ADAMTS6: variants seen among roughly 807,000 people sequenced by gnomAD.
The protein encoded by ADAMTS6 is A disintegrin and metalloproteinase with thrombospondin motifs 6.
In ADAMTS6, 23 loss-of-function variants were observed where a neutral mutation model predicts 144.3. That is an observed-to-expected ratio of 0.16 (90% CI 0.11 to 0.23). The LOEUF is 0.23. ADAMTS6 is among the 10% of genes least tolerant of loss of function. The probability of loss-of-function intolerance (pLI) is 1.00; values close to 1 mark genes in which losing one functional copy is unlikely to be tolerated. For missense variants in ADAMTS6, 999 were observed against 1,379.6 expected, an observed-to-expected ratio of 0.72 and a Z score of 4.37; for synonymous variants, 444 against 457.5, an observed-to-expected ratio of 0.97 and a Z score of 0.38.
At chr5:65,264,586 A>G (rs1217277677) in intron 12 of ADAMTS6, among the ~76,000 whole-genome samples, 3 of 152,054 alleles carry the variant, frequency 2.0e-5, no homozygotes, top group African/African-American at 7.2e-5. Context: ...CTTACCACTT[A>G]CCACTACTTT....
intron 23 of ADAMTS6, among the ~76,000 whole-genome samples, chr5:65,171,618 G>A (rs1434053915): frequency 6.6e-6 from 1 of 152,074 alleles, no homozygotes; most frequent in South Asian, 2.1e-4. Context: ...TAAATAACCT[G>A]ATGGCTTATT....
intron 22 of ADAMTS6, among the ~76,000 whole-genome samples, chr5:65,186,653 T>TA (rs1305927656): frequency 1.3e-5 from 2 of 152,234 alleles, no homozygotes. Flanking sequence ...AATTAGGAGT[T>TA]AATGTATCCC....
intron 7 of ADAMTS6, among the ~76,000 whole-genome samples, chr5:65,420,167 C>G (rs1755900614): frequency 1.3e-5 from 2 of 152,120 alleles, no homozygotes; most frequent in Non-Finnish European, 2.9e-5. Context: ...ACCATCAGAT[C>G]TTGTGAGAAC....
chr5:65,479,635 CCCTT>C (rs1761070561), intron 1 of ADAMTS6, among the ~76,000 whole-genome samples: 1 of 152,210 alleles, frequency 6.6e-6, no homozygotes, highest in East Asian at 1.9e-4. Context: ...TATGGTAACT[CCCTT>C]CATTCACTCA....
chr5:65,357,515 A>G (rs1006908938), intron 7 of ADAMTS6, among the ~76,000 whole-genome samples: 17 of 151,728 alleles, frequency 1.1e-4, no homozygotes, highest in African/African-American at 4.1e-4. Flanking sequence ...AGCAAAATAC[A>G]TGAAATAGAG....
chr5:65,391,419 TACACACACACACAC>T (rs34581260), intron 7 of ADAMTS6, among the ~76,000 whole-genome samples: 2 of 148,600 alleles, frequency 1.3e-5, no homozygotes, highest in Non-Finnish European at 3.0e-5. Flanking sequence ...TGTGTCTCTC[TACACACACACACAC>T]ACACACACAC....
chr5:65,343,866 A>G (rs1748078236), intron 7 of ADAMTS6, among the ~76,000 whole-genome samples: 1 of 152,022 alleles, frequency 6.6e-6, no homozygotes, highest in South Asian at 2.1e-4. Context: ...AAAAGTACAA[A>G]CAATCCATTT....
chr5:65,325,570 A>T (rs928372569), intron 9 of ADAMTS6, among the ~76,000 whole-genome samples: 11 of 150,604 alleles, frequency 7.3e-5, no homozygotes, highest in African/African-American at 2.7e-4. Context: ...ATCATGGTTC[A>T]CTACAGCCTT....
intron 3 of ADAMTS6, among the ~76,000 whole-genome samples, chr5:65,464,074 T>G (rs1391004110): frequency 6.6e-6 from 1 of 152,230 alleles, no homozygotes; most frequent in Non-Finnish European, 1.5e-5. Flanking sequence ...AAATAAGAGA[T>G]TCTAGATCAC....
intron 10 of ADAMTS6, among the ~76,000 whole-genome samples, chr5:65,295,001 G>A (rs1021021533): frequency 7.2e-5 from 11 of 152,056 alleles, no homozygotes; most frequent in Non-Finnish European, 1.5e-4. Context: ...GCTCAACATT[G>A]TGAATATGAG....
rs542197152 is a variant in ADAMTS6 at position 65,307,819 on chromosome 5, A to C, written c.1224-7688T>G. Among the ~76,000 whole-genome samples, 3 of 152,318 alleles carry C rather than the reference A, an allele frequency of 2.0e-5. No homozygotes were observed. In the East Asian group the frequency reaches 5.8e-4, roughly 29 times the overall value. On this transcript the variant is annotated intron_variant, in intron 9 of 24. Coordinates refer to ENST00000381055, the MANE Select transcript of ADAMTS6 (RefSeq NM_197941.4). Reference sequence around the variant, plus strand: ...CACTCTTTTATATCCCAGTCTGAGAAACTAAACCACTTGTCTAGTTCCCTT... The same window carrying C: ...CACTCTTTTATATCCCAGTCTGAGACACTAAACCACTTGTCTAGTTCCCTT...
At chr5:65,306,480 G>A (rs779346794) in intron 9 of ADAMTS6, among the ~76,000 whole-genome samples, 4 of 152,060 alleles carry the variant, frequency 2.6e-5, no homozygotes, top group Non-Finnish European at 5.9e-5. Flanking sequence ...TTTTTTTAAG[G>A]CAAATGAGGT....
At chr5:65,320,154 T>C (rs920534925) in intron 9 of ADAMTS6, among the ~76,000 whole-genome samples, 4 of 152,168 alleles carry the variant, frequency 2.6e-5, no homozygotes, top group Non-Finnish European at 5.9e-5. Context: ...CCAAAAGATG[T>C]TTTTTAAAAA....
intron 7 of ADAMTS6, among the ~76,000 whole-genome samples, chr5:65,431,102 T>G (rs929558642): frequency 2.0e-5 from 3 of 152,192 alleles, no homozygotes; most frequent in Non-Finnish European, 2.9e-5. Context: ...AAATGCAGTT[T>G]CAAGGTATTT....
At chr5:65,194,986 CT>C (rs1056194237) in intron 21 of ADAMTS6, among the ~76,000 whole-genome samples, 66 of 152,158 alleles carry the variant, frequency 4.3e-4, no homozygotes, top group South Asian at 4.1e-4. Flanking sequence ...GACATTTAAA[CT>C]TTTAAGCTTA....
intron 7 of ADAMTS6, among the ~76,000 whole-genome samples, chr5:65,425,747 G>T (rs922292239): frequency 2.0e-5 from 3 of 151,616 alleles, no homozygotes; most frequent in African/African-American, 7.2e-5. Flanking sequence ...TGTATTGCAT[G>T]ACTTCAAGTA....
intron 9 of ADAMTS6, among the ~76,000 whole-genome samples, chr5:65,304,798 C>T (rs1743771529): frequency 4.0e-5 from 6 of 151,764 alleles, no homozygotes; most frequent in Admixed American, 3.9e-4. Flanking sequence ...AGCACTACAC[C>T]ACATAAGTAA....
chr5:65,373,170 T>G (rs945416318), intron 7 of ADAMTS6, among the ~76,000 whole-genome samples: 9 of 149,614 alleles, frequency 6.0e-5, no homozygotes, highest in Non-Finnish European at 1.3e-4. Context: ...GATCCAAAAT[T>G]GACACCCTAA....
chr5:65,236,044 G>T (rs1387383594), intron 15 of ADAMTS6, among the ~76,000 whole-genome samples: 1 of 151,910 alleles, frequency 6.6e-6, no homozygotes, highest in Non-Finnish European at 1.5e-5. Flanking sequence ...TAATAAAAAA[G>T]ATTCAAATAC....
Sources: allele counts gnomAD v4.1 joint callset (sites outside exome capture counted in the v4.1 genomes callset), GRCh38; gene constraint gnomAD v4.1.1; transcripts MANE v1.5; gene names NCBI Gene and HGNC (gene_info 2026-07-23, HGNC 2026-07-21).